The following CNTNAP2 variants were observed in gnomAD, a reference collection of about 807,000 sequenced individuals.
CNTNAP2 encodes contactin associated protein 2.
Under a neutral mutation model 155.2 loss-of-function variants are expected in CNTNAP2, and 98 were observed. That is an observed-to-expected ratio of 0.63 (90% confidence interval 0.54 to 0.75). The LOEUF is 0.75. CNTNAP2 is among the 30% of genes least tolerant of loss of function. The pLI, the probability that CNTNAP2 is intolerant of heterozygous loss-of-function variation, is 0.00. For missense variants in CNTNAP2, 1,727 were observed against 1,688.1 expected, an observed-to-expected ratio of 1.02 and a Z score of -0.40; for synonymous variants, 651 against 631.2, an observed-to-expected ratio of 1.03 and a Z score of -0.47.
At chr7:146,655,735 G>C (rs1799986292) in intron 1 of CNTNAP2, among the ~76,000 whole-genome samples, 1 of 152,066 alleles carries the variant, frequency 6.6e-6, no homozygotes, top group Non-Finnish European at 1.5e-5. Flanking sequence ...ATTGCTATTT[G>C]ATTTTCTATT....
intron 1 of CNTNAP2, among the ~76,000 whole-genome samples, chr7:146,311,162 T>G (rs1800814111): frequency 1.3e-5 from 2 of 152,184 alleles, no homozygotes; most frequent in East Asian, 1.9e-4. Flanking sequence ...CACCACACAG[T>G]TTTTGTGCTC....
intron 1 of CNTNAP2, among the ~76,000 whole-genome samples, chr7:146,642,008 C>G (rs1463294119): frequency 1.3e-5 from 2 of 151,946 alleles, no homozygotes; most frequent in African/African-American, 4.8e-5. Context: ...AATATATGAC[C>G]TTAAATTATG....
intron 3 of CNTNAP2, among the ~76,000 whole-genome samples, chr7:146,978,502 C>T (rs987844248): frequency 6.6e-6 from 1 of 152,056 alleles, no homozygotes; most frequent in Non-Finnish European, 1.5e-5. Context: ...ATATCTAAGG[C>T]ACTGTGAGTC....
intron 10 of CNTNAP2, 111 bp downstream of exon 10, chr7:147,395,891 G>T: frequency 8.3e-7 from 1 of 1,210,898 alleles, no homozygotes; most frequent in Non-Finnish European, 1.2e-6. Flanking sequence ...AAACAGGTAA[G>T]GTGGAAATTA....
intron 11 of CNTNAP2, among the ~76,000 whole-genome samples, chr7:147,513,549 G>A (rs1279676113): frequency 6.6e-6 from 1 of 152,212 alleles, no homozygotes; most frequent in Non-Finnish European, 1.5e-5. Flanking sequence ...AGCCTTCCAT[G>A]TATGTGAAGG....
At chr7:147,931,921 T>G (rs1281142605) in intron 14 of CNTNAP2, among the ~76,000 whole-genome samples, 1 of 152,156 alleles carries the variant, frequency 6.6e-6, no homozygotes, top group South Asian at 2.1e-4. Context: ...GGTCTCATTA[T>G]ATCACCCAGG....
intron 8 of CNTNAP2, among the ~76,000 whole-genome samples, chr7:147,138,643 G>GA (rs1801536391): frequency 6.6e-6 from 1 of 151,392 alleles, no homozygotes; most frequent in Non-Finnish European, 1.5e-5. Flanking sequence ...AGAATGAAAG[G>GA]AAAAAAAGGA....
At chr7:147,511,344 G>T (rs1799017074) in intron 11 of CNTNAP2, among the ~76,000 whole-genome samples, 2 of 151,828 alleles carry the variant, frequency 1.3e-5, no homozygotes, top group African/African-American at 4.8e-5. Flanking sequence ...TCAGCACCAA[G>T]AATTCATAGA....
chr7:147,559,729 A>C (rs1354723700), intron 11 of CNTNAP2, among the ~76,000 whole-genome samples: 2 of 152,174 alleles, frequency 1.3e-5, no homozygotes, highest in East Asian at 3.9e-4. Flanking sequence ...ATACATACCA[A>C]TTTTAATAAT....
intron 2 of CNTNAP2, among the ~76,000 whole-genome samples, chr7:146,785,150 T>C (rs1246595228): frequency 6.6e-6 from 1 of 151,912 alleles, no homozygotes; most frequent in African/African-American, 2.4e-5. Context: ...TTTTTTTTAA[T>C]GTTTGTACAG....
intron 8 of CNTNAP2, among the ~76,000 whole-genome samples, chr7:147,162,464 C>G (rs1236583501): frequency 6.6e-6 from 1 of 152,188 alleles, no homozygotes; most frequent in East Asian, 1.9e-4. Context: ...CAGCATTCCT[C>G]CATGTGTTGC....
At chr7:146,458,424 A>G (rs1025801382) in intron 1 of CNTNAP2, among the ~76,000 whole-genome samples, 1 of 152,196 alleles carries the variant, frequency 6.6e-6, no homozygotes, top group African/African-American at 2.4e-5. Flanking sequence ...CCACGCAGGA[A>G]TGTACAATAA....
At chr7:148,257,267 A>G (rs1256021379) in intron 20 of CNTNAP2, among the ~76,000 whole-genome samples, 1 of 152,234 alleles carries the variant, frequency 6.6e-6, no homozygotes, top group African/African-American at 2.4e-5. Context: ...AGTTACCTGC[A>G]GGATTCGGTT....
In CNTNAP2 at chr7:147,581,465, G is replaced by A. The variant is rs147529047; in HGVS notation, c.1897+19208G>A. 4.0e-3 allele frequency among the ~76,000 whole-genome samples: 613 copies of A among 152,238 alleles called. 10 individuals are homozygous for A. The highest frequency in any genetic ancestry group is 0.014 in the African/African-American group (575 of 41,550). ...CAATCAAAATGCTCCACATTGCTTT[G>A]GACAATGTCAGGATCACTGGAATAA... On this transcript the variant is annotated intron_variant, in intron 12 of 23. Transcript: ENST00000361727.
At chr7:147,927,046 AT>A (rs1563137907) in intron 14 of CNTNAP2, among the ~76,000 whole-genome samples, 3 of 152,232 alleles carry the variant, frequency 2.0e-5, no homozygotes, top group Non-Finnish European at 2.9e-5. Flanking sequence ...ATCACCACAA[AT>A]TTTTAATATT....
intron 12 of CNTNAP2, among the ~76,000 whole-genome samples, chr7:147,634,106 A>G (rs991592106): frequency 3.9e-5 from 6 of 152,222 alleles, no homozygotes; most frequent in Non-Finnish European, 8.8e-5. Flanking sequence ...ACTACTGGGT[A>G]TCTACCCAGA....
chr7:147,976,773 T>C (rs1258656283), intron 14 of CNTNAP2, among the ~76,000 whole-genome samples: 1 of 152,184 alleles, frequency 6.6e-6, no homozygotes, highest in Non-Finnish European at 1.5e-5. Flanking sequence ...CCTGCACTAT[T>C]TGCTAAGAGA....
chr7:146,880,641 C>G (rs933262453), intron 3 of CNTNAP2, among the ~76,000 whole-genome samples: 1 of 151,974 alleles, frequency 6.6e-6, no homozygotes, highest in Non-Finnish European at 1.5e-5. Flanking sequence ...CCAACTAAAC[C>G]ATTTAAGGAG....
At chr7:147,800,487 G>T (rs1417873945) in intron 13 of CNTNAP2, among the ~76,000 whole-genome samples, 2 of 151,100 alleles carry the variant, frequency 1.3e-5, no homozygotes, top group East Asian at 1.9e-4. Flanking sequence ...AAAAAAAAAA[G>T]TGACTAACTT....
Sources: allele counts gnomAD v4.1 joint callset (sites outside exome capture counted in the v4.1 genomes callset), GRCh38; gene constraint gnomAD v4.1.1; transcripts MANE v1.5; gene names NCBI Gene and HGNC (gene_info 2026-07-23, HGNC 2026-07-21).